The following TMEM232 variants were observed in gnomAD, a reference collection of about 807,000 sequenced individuals.
TMEM232 encodes the protein transmembrane protein 232.
A neutral mutation model predicts 78.8 loss-of-function variants in TMEM232; 80 were observed. That is an observed-to-expected ratio of 1.01 (90% CI 0.85 to 1.22). The LOEUF (loss-of-function observed/expected upper bound fraction) is 1.22, where lower values mean the gene tolerates loss of function less well. TMEM232 is among the 50% of genes most tolerant of loss of function. The probability of loss-of-function intolerance (pLI) is 0.00; values close to 1 mark genes in which losing one functional copy is unlikely to be tolerated. For missense variants in TMEM232, 881 were observed against 742.2 expected (o/e 1.19, Z -2.17); for synonymous variants, 297 against 254.3 (o/e 1.17, Z -1.60).
At chr5:110,736,388 C>G (rs1381131398) in intron 1 of TMEM232, among the ~76,000 whole-genome samples, 2 of 151,974 alleles carry the variant, frequency 1.3e-5, no homozygotes, top group Non-Finnish European at 2.9e-5. Context: ...CAAAAAAAAG[C>G]TAAGTTTTTA....
At chr5:110,725,849 A>G (rs1798095786) in intron 1 of TMEM232, 1 of 152,336 alleles carries the variant, frequency 6.6e-6, no homozygotes, top group East Asian at 1.9e-4. Flanking sequence ...TTAAAATTAT[A>G]TCAAGACTTT....
intron 12 of TMEM232, among the ~76,000 whole-genome samples, chr5:110,455,775 C>T (rs747968559): frequency 1.4e-4 from 21 of 152,124 alleles, no homozygotes; most frequent in Non-Finnish European, 2.9e-4. Context: ...TGGGGTTCAT[C>T]CCAAGACTGC....
intron 1 of TMEM232, among the ~76,000 whole-genome samples, chr5:110,693,065 G>C (rs562647011): frequency 1.3e-5 from 2 of 152,274 alleles, no homozygotes; most frequent in East Asian, 3.9e-4. Context: ...AGTAGGGGCG[G>C]TCTGACACCT....
chr5:110,460,935 G>A lies in TMEM232; in HGVS notation c.1704-36019C>T, dbSNP rs550338506. Among the ~76,000 whole-genome samples, 14 of 152,090 alleles carry A rather than the reference G, an allele frequency of 9.2e-5. No individual in the cohort carries two copies. In the South Asian group the frequency reaches 2.9e-3, roughly 32 times the overall value. ...CTCAGATACACATTGTACGTGTTCT[G>A]ACTGCTCAACTGACCAGTTTTTCCC... is the stretch of plus-strand genomic sequence containing the variant. On this transcript the variant is annotated intron_variant, in intron 12 of 13. Transcript: ENST00000455884.
chr5:110,643,384 T>TA (rs1272847367), intron 2 of TMEM232, among the ~76,000 whole-genome samples: 1 of 152,024 alleles, frequency 6.6e-6, no homozygotes. Context: ...TCAGCATAGA[T>TA]ATGGAATTTA....
At chr5:110,526,416 A>G (rs1770611655) in intron 12 of TMEM232, among the ~76,000 whole-genome samples, 1 of 151,946 alleles carries the variant, frequency 6.6e-6, no homozygotes, top group African/African-American at 2.4e-5. Flanking sequence ...TTCCAAATAA[A>G]GAAAAAACAA....
chr5:110,593,331 G>A (rs1779752867), intron 10 of TMEM232, among the ~76,000 whole-genome samples: 2 of 152,110 alleles, frequency 1.3e-5, no homozygotes, highest in Non-Finnish European at 1.5e-5. Context: ...CCAAGAATTC[G>A]CCCAAATTCT....
intron 2 of TMEM232, among the ~76,000 whole-genome samples, chr5:110,646,530 C>T (rs974141073): frequency 2.0e-5 from 3 of 151,768 alleles, no homozygotes; most frequent in African/African-American, 4.8e-5. Flanking sequence ...CCTTATCCCA[C>T]ACCATGTTCA....
intron 11 of TMEM232, among the ~76,000 whole-genome samples, chr5:110,536,285 CTT>C (rs1218598103): frequency 6.6e-6 from 1 of 152,032 alleles, no homozygotes; most frequent in Non-Finnish European, 1.5e-5. Flanking sequence ...AGCCCTTTGC[CTT>C]TTTTTTCTTT....
intron 2 of TMEM232, among the ~76,000 whole-genome samples, chr5:110,663,778 T>C (rs1026565197): frequency 1.3e-5 from 2 of 150,960 alleles, no homozygotes; most frequent in African/African-American, 4.9e-5. Context: ...TGTGTGTATA[T>C]ACAATATTCA....
chr5:110,687,940 T>A (rs368743442), intron 1 of TMEM232, among the ~76,000 whole-genome samples: 3 of 151,934 alleles, frequency 2.0e-5, no homozygotes, highest in African/African-American at 7.3e-5. Flanking sequence ...CTTTTGGAAA[T>A]AGTTAAAAAA....
chr5:110,462,778 ACCCTAAT>A (rs1761675417), intron 12 of TMEM232, among the ~76,000 whole-genome samples: 1 of 152,174 alleles, frequency 6.6e-6, no homozygotes, highest in Non-Finnish European at 1.5e-5. Flanking sequence ...CCTCTAGGGT[ACCCTAAT>A]ACAATTACAG....
intron 8 of TMEM232, among the ~76,000 whole-genome samples, chr5:110,612,977 G>A (rs1782497924): frequency 6.6e-6 from 1 of 152,172 alleles, no homozygotes; most frequent in Non-Finnish European, 1.5e-5. Context: ...ACTGCGTTAA[G>A]TGGAAATCTG....
chr5:110,555,402 G>A (rs1774959946), intron 11 of TMEM232, among the ~76,000 whole-genome samples: 1 of 152,078 alleles, frequency 6.6e-6, no homozygotes, highest in South Asian at 2.1e-4. Context: ...TTAATTTGTT[G>A]AGAATTGCTT....
At chr5:110,462,501 C>T (rs996563368) in intron 12 of TMEM232, among the ~76,000 whole-genome samples, 1 of 152,180 alleles carries the variant, frequency 6.6e-6, no homozygotes, top group African/African-American at 2.4e-5. Context: ...CTTAGTCTTC[C>T]AGCCTCCTCC....
At chr5:110,414,695 G>C (rs537926135), downstream of TMEM232, among the ~76,000 whole-genome samples, 10 of 152,226 alleles carry the variant, frequency 6.6e-5, no homozygotes, top group African/African-American at 2.4e-4. Context: ...CTTTCTTTAG[G>C]ATAGCTGTTT....
intron 1 of TMEM232, among the ~76,000 whole-genome samples, chr5:110,715,755 A>T (rs1480200041): frequency 5.3e-4 from 1 of 1,870 alleles, no homozygotes; most frequent in Admixed American, 9.6e-3. Context: ...GACATGCCTC[A>T]TTATACCTCC....
chr5:110,623,061 G>A lies in TMEM232; in HGVS notation c.768+2206C>T, dbSNP rs559266178. ...TTTGCTAGTGAGCAAAGGACAGAGTGGAAAACTCAATCCAGCGTTCTGGCT... is the reference window on the plus strand; with the variant it reads ...TTTGCTAGTGAGCAAAGGACAGAGTAGAAAACTCAATCCAGCGTTCTGGCT... On this transcript the variant is annotated intron_variant, in intron 7 of 13. Transcript: ENST00000455884. Among the ~76,000 whole-genome samples the A allele has an allele frequency of 3.0e-4, 46 of 151,986 alleles. 1 individual carries two copies. The highest frequency in any genetic ancestry group is 1.1e-3 in the African/African-American group (46 of 41,472).
chr5:110,667,366 TA>T lies in TMEM232; in HGVS notation c.-12-3del. 1 of 1,488,972 alleles carries T rather than the reference TA, an allele frequency of 6.7e-7. No homozygotes were observed. The highest frequency in any genetic ancestry group is 2.6e-5 in the East Asian group (1 of 38,762). The allele number at this position is 1,488,972 out of a possible 1,614,324, so 92.2% of individuals were successfully genotyped here. On this transcript the variant is annotated splice_region_variant and splice_polypyrimidine_tract_variant and intron_variant, in intron 1 of 13. Coordinates refer to ENST00000455884, the MANE Select transcript of TMEM232 (RefSeq NM_001039763.4). Reference sequence around the variant, plus strand: ...AGGCATATTCATAAATCATAAATTCTAAAAGGAATATTAAATGTATGTTAGC... The same window carrying T: ...AGGCATATTCATAAATCATAAATTCTAAAGGAATATTAAATGTATGTTAGC...
Sources: gnomAD v4.1 joint callset for allele counts (sites outside exome capture counted in the v4.1 genomes callset) on GRCh38, gnomAD v4.1.1 for gene constraint, MANE v1.5 for transcripts, NCBI Gene and HGNC (gene_info 2026-07-23, HGNC 2026-07-21) for gene names.